MTUS2: variants seen among roughly 807,000 people sequenced by gnomAD.
MTUS2 encodes the protein microtubule associated scaffold protein 2.
Under a neutral mutation model 114.1 loss-of-function variants are expected in MTUS2, and 40 were observed. The observed-to-expected ratio is 0.35, with a 90% CI of 0.27 to 0.46. The LOEUF (loss-of-function observed/expected upper bound fraction) is 0.46, where lower values mean the gene tolerates loss of function less well. Among genes scored for constraint, MTUS2 ranks in the 20% least tolerant of loss-of-function variants. The pLI is 1.00. For missense variants in MTUS2, 1,679 were observed against 1,705.4 expected (o/e 0.98, Z 0.27); for synonymous variants, 688 against 672.0 (o/e 1.02, Z -0.37).
At chr13:29,312,104 A>G (rs1002286298) in intron 6 of MTUS2, among the ~76,000 whole-genome samples, 1 of 152,104 alleles carries the variant, frequency 6.6e-6, no homozygotes, top group Admixed American at 6.6e-5. Flanking sequence ...AGTCTCGCAT[A>G]CTTCATGTCT....
At chr13:28,841,676 GTTTTTTTTTGTTTTTT>G (rs750064955) in intron 2 of MTUS2, among the ~76,000 whole-genome samples, 1 of 149,798 alleles carries the variant, frequency 6.7e-6, no homozygotes, top group Non-Finnish European at 1.5e-5. Flanking sequence ...GTGTGTGTGT[GTTTTTTTTTGTTTTTT>G]TGTTTTTTTT....
chr13:28,994,667 T>G (rs994387365), intron 2 of MTUS2, among the ~76,000 whole-genome samples: 4 of 152,256 alleles, frequency 2.6e-5, no homozygotes, highest in Non-Finnish European at 4.4e-5. Context: ...GTGAACGTTT[T>G]TTCATGTGTT....
chr13:29,421,455 C>T (rs1239500478), intron 8 of MTUS2, among the ~76,000 whole-genome samples: 1 of 152,176 alleles, frequency 6.6e-6, no homozygotes, highest in Non-Finnish European at 1.5e-5. Flanking sequence ...CAATTTTTAA[C>T]TCTTTGACCT....
intron 5 of MTUS2, among the ~76,000 whole-genome samples, chr13:29,240,958 A>T (rs71434711): frequency 6.6e-6 from 1 of 152,158 alleles, no homozygotes; most frequent in Admixed American, 6.5e-5. Flanking sequence ...ATGAGAAAAG[A>T]TGCCTCATTT....
At chr13:29,077,278 G>A (rs1748221071) in intron 4 of MTUS2, among the ~76,000 whole-genome samples, 1 of 152,066 alleles carries the variant, frequency 6.6e-6, no homozygotes, top group Admixed American at 6.5e-5. Flanking sequence ...ATGTTTCCAA[G>A]CAAGGTGAGA....
chr13:28,993,419 CTGTGCAT>C (rs1884949095), intron 2 of MTUS2, among the ~76,000 whole-genome samples: 3 of 152,182 alleles, frequency 2.0e-5, no homozygotes, highest in Admixed American at 2.0e-4. Context: ...TGTTATTCTC[CTGTGCAT>C]TGTCTGTTTA....
At chr13:29,085,235 AG>A (rs1437343077) in intron 4 of MTUS2, among the ~76,000 whole-genome samples, 3 of 152,338 alleles carry the variant, frequency 2.0e-5, no homozygotes, top group East Asian at 3.9e-4. Flanking sequence ...CATGAGCAAA[AG>A]TAAACCTCTT....
At chr13:29,162,960 C>G (rs1046908189) in intron 5 of MTUS2, among the ~76,000 whole-genome samples, 1 of 151,924 alleles carries the variant, frequency 6.6e-6, no homozygotes, top group African/African-American at 2.4e-5. Context: ...AGAAAATTAA[C>G]TCTGTGTCTT....
chr13:28,865,891 G>C (rs1322433990), intron 2 of MTUS2, among the ~76,000 whole-genome samples: 1 of 152,172 alleles, frequency 6.6e-6, no homozygotes, highest in African/African-American at 2.4e-5. Flanking sequence ...TGATGAGTGA[G>C]ACAAACTGTT....
rs1431402253 is a variant in MTUS2, at chr13:29,148,688, C to T, written c.2644+47718C>T. Among the ~76,000 whole-genome samples, 9 of 117,560 alleles carry T rather than the reference C, an allele frequency of 7.7e-5. 1 individual carries two copies. Among genetic ancestry groups the T allele is most frequent in the African/African-American group, 1.8e-4 (7 of 38,792 alleles). The allele number at this position is 117,560 out of a possible 152,430, so 77.1% of individuals were successfully genotyped here. A position where few individuals can be genotyped will look rare whatever the true frequency, so the allele number is the denominator to read the frequency against. ...AGAGACGGGGTTTCACCGTTTTAGC[C>T]GGGATGGTCTCGATCTCCTGACCTC... On this transcript the variant is annotated intron_variant, in intron 5 of 15. Coordinates refer to ENST00000612955, the MANE Select transcript of MTUS2 (RefSeq NM_001033602.4).
intron 4 of MTUS2, among the ~76,000 whole-genome samples, chr13:29,047,013 G>A (rs1887653020): frequency 6.6e-6 from 1 of 152,196 alleles, no homozygotes; most frequent in African/African-American, 2.4e-5. Context: ...AGGCTCTCGT[G>A]CCCCCTTGTT....
At chr13:28,820,946 G>A (rs1873855735) in intron 1 of MTUS2, among the ~76,000 whole-genome samples, 1 of 152,154 alleles carries the variant, frequency 6.6e-6, no homozygotes, top group African/African-American at 2.4e-5. Context: ...AATTTAGTAT[G>A]AGTGTGTTAT....
intron 8 of MTUS2, 129 bp from the exon 9 acceptor site, chr13:29,439,854 T>A (rs1439973292): frequency 2.6e-6 from 2 of 757,114 alleles, no homozygotes; most frequent in Non-Finnish European, 4.4e-6. Flanking sequence ...GCTTATATAA[T>A]GTGAAAATTA....
chr13:29,499,548 C>T (rs1882757041), intron 14 of MTUS2, among the ~76,000 whole-genome samples: 1 of 152,194 alleles, frequency 6.6e-6, no homozygotes. Context: ...ATATTCCTAC[C>T]AGTGCTTATA....
At chr13:29,382,552 A>G (rs1872293923) in intron 8 of MTUS2, among the ~76,000 whole-genome samples, 2 of 152,232 alleles carry the variant, frequency 1.3e-5, no homozygotes, top group Admixed American at 6.5e-5. Flanking sequence ...ACAGAAGTTT[A>G]CGAACTGAGT....
intron 9 of MTUS2, among the ~76,000 whole-genome samples, chr13:29,463,218 C>T (rs536781701): frequency 6.6e-6 from 1 of 152,240 alleles, no homozygotes; most frequent in South Asian, 2.1e-4. Context: ...TCCTGGGAGC[C>T]ACCAAAGGGA....
chr13:29,142,888 A>G (rs139911295), intron 5 of MTUS2, among the ~76,000 whole-genome samples: 243 of 152,358 alleles, frequency 1.6e-3, no homozygotes, highest in African/African-American at 5.6e-3. Context: ...CAACATGTAC[A>G]TAAAGCAAGG....
chr13:29,299,970 G>T (rs1041357629), intron 6 of MTUS2, among the ~76,000 whole-genome samples: 1 of 152,010 alleles, frequency 6.6e-6, no homozygotes, highest in Non-Finnish European at 1.5e-5. Flanking sequence ...GGAGGGGGGG[G>T]CACTTGATTT....
chr13:29,349,417 T>A (rs1197195869), intron 7 of MTUS2, among the ~76,000 whole-genome samples: 2 of 152,170 alleles, frequency 1.3e-5, no homozygotes, highest in East Asian at 3.8e-4. Flanking sequence ...CAACACTCAG[T>A]TTTCTTTTAA....
Sources: gnomAD v4.1 joint callset for allele counts (sites outside exome capture counted in the v4.1 genomes callset) on GRCh38, gnomAD v4.1.1 for gene constraint, MANE v1.5 for transcripts, NCBI Gene and HGNC (gene_info 2026-07-23, HGNC 2026-07-21) for gene names.